The following RERE variants were observed in gnomAD, a reference collection of about 807,000 sequenced individuals.
RERE encodes the protein arginine-glutamic acid dipeptide repeats.
In RERE, 40 loss-of-function variants were observed where a neutral mutation model predicts 146.1. That is an observed-to-expected ratio of 0.27 (90% CI 0.21 to 0.36). The LOEUF is 0.36. Among genes scored for constraint, RERE ranks in the 10% least tolerant of loss-of-function variants. The probability of loss-of-function intolerance (pLI) is 1.00; values close to 1 mark genes in which losing one functional copy is unlikely to be tolerated. For missense variants in RERE, 1,933 were observed against 2,138.7 expected, an observed-to-expected ratio of 0.90 and a Z score of 1.90; for synonymous variants, 1,003 against 866.0, an observed-to-expected ratio of 1.16 and a Z score of -2.78.
At chr1:8,555,833 C>T (rs1646000792) in intron 6 of RERE, among the ~76,000 whole-genome samples, 1 of 152,132 alleles carries the variant, frequency 6.6e-6, no homozygotes, top group Admixed American at 6.6e-5. Flanking sequence ...TTATGACTGG[C>T]TGGAATGTTA....
intron 4 of RERE, among the ~76,000 whole-genome samples, chr1:8,607,452 A>G (rs1646730189): frequency 6.7e-6 from 1 of 149,914 alleles, no homozygotes; most frequent in Admixed American, 6.7e-5. Context: ...GCTTACTTCC[A>G]TGGCCTGAAA....
chr1:8,516,227 G>GGAAAAAAAAAAAAAAAAAAAAAAAAA lies in RERE; in HGVS notation c.831-7553_831-7552insTTTTTTTTTTTTTTTTTTTTTTTTTC, dbSNP rs573135224. On this transcript the variant is annotated intron_variant, in intron 7 of 22. Transcript: ENST00000400908. ...GGGACGGAGCAAGACTCTCTCAGAGGAAAAAAAAAAAAAAAAAAAAAATCT... is the reference window on the plus strand; with the variant it reads ...GGGACGGAGCAAGACTCTCTCAGAGGGAAAAAAAAAAAAAAAAAAAAAAAAAAAAAAAAAAAAAAAAAAAAAAATCT... Among the ~76,000 whole-genome samples, 14 of 52,306 alleles carry GGAAAAAAAAAAAAAAAAAAAAAAAAA rather than the reference G, an allele frequency of 2.7e-4. 4 individuals are homozygous for GGAAAAAAAAAAAAAAAAAAAAAAAAA. The highest frequency in any genetic ancestry group is 1.1e-3 in the African/African-American group (13 of 11,626). The allele number at this position is 52,306 out of a possible 152,430, so 34.3% of individuals were successfully genotyped here. A position where few individuals can be genotyped will look rare whatever the true frequency, so the allele number is the denominator to read the frequency against.
intron 12 of RERE, among the ~76,000 whole-genome samples, chr1:8,414,176 C>CA (rs1485978945): frequency 6.6e-6 from 1 of 152,090 alleles, no homozygotes; most frequent in Admixed American, 6.5e-5. Context: ...TCAGACATCC[C>CA]ATCCTAGACA....
At chr1:8,553,131 G>A (rs1645958017) in intron 6 of RERE, among the ~76,000 whole-genome samples, 1 of 146,440 alleles carries the variant, frequency 6.8e-6, no homozygotes, top group Non-Finnish European at 1.5e-5. Context: ...AAACAATCGT[G>A]ACACCACACA....
chr1:8,458,974 A>C (rs1644488665), intron 11 of RERE, among the ~76,000 whole-genome samples: 1 of 152,230 alleles, frequency 6.6e-6, no homozygotes, highest in African/African-American at 2.4e-5. Context: ...AGAGCTTGTT[A>C]AACAGTAGAA....
chr1:8,526,030 G>C (rs924068574), intron 7 of RERE: 6 of 1,253,058 alleles, frequency 4.8e-6, no homozygotes, highest in African/African-American at 1.6e-5. Context: ...TCTCCACGAC[G>C]CAATCAATCT....
intron 2 of RERE, among the ~76,000 whole-genome samples, chr1:8,641,291 T>C (rs1218816664): frequency 6.6e-6 from 1 of 152,030 alleles, no homozygotes; most frequent in Non-Finnish European, 1.5e-5. Flanking sequence ...ACTGATAGAG[T>C]ATAACAGATT....
At chr1:8,607,598 T>G (rs1646736983) in intron 4 of RERE, among the ~76,000 whole-genome samples, 1 of 131,052 alleles carries the variant, frequency 7.6e-6, no homozygotes, top group Admixed American at 9.5e-5. Flanking sequence ...GAGGCTGCAG[T>G]GCAGTGGTGT....
At chr1:8,494,651 A>C (rs1570334369) in intron 10 of RERE, among the ~76,000 whole-genome samples, 1 of 152,208 alleles carries the variant, frequency 6.6e-6, no homozygotes, top group East Asian at 1.9e-4. Flanking sequence ...TGAAGCCGGG[A>C]AGCGGAGCTT....
At chr1:8,810,248 C>T (rs1462274465) in intron 1 of RERE, among the ~76,000 whole-genome samples, 2 of 151,454 alleles carry the variant, frequency 1.3e-5, no homozygotes, top group East Asian at 3.9e-4. Flanking sequence ...CACCCATCCG[C>T]CTTGGCCTCC....
intron 2 of RERE, among the ~76,000 whole-genome samples, chr1:8,625,659 T>C (rs1646965893): frequency 6.6e-6 from 1 of 152,308 alleles, no homozygotes; most frequent in Middle Eastern, 3.4e-3. Flanking sequence ...GAGTGTATCT[T>C]ACAATAATTC....
At chr1:8,508,984 G>A (rs1197575710) in intron 7 of RERE, among the ~76,000 whole-genome samples, 3 of 151,938 alleles carry the variant, frequency 2.0e-5, no homozygotes, top group East Asian at 1.9e-4. Flanking sequence ...GCACAATCTC[G>A]GCTCACTGCA....
chr1:8,466,078 A>T, intron 10 of RERE, 55 bp from the exon 11 acceptor site: 1 of 1,451,822 alleles, frequency 6.9e-7, no homozygotes, highest in Non-Finnish European at 9.5e-7. Context: ...GACAGGACAC[A>T]ATCGATCCAA....
At chr1:8,763,739 G>A (rs2124534573) in intron 1 of RERE, among the ~76,000 whole-genome samples, 1 of 152,252 alleles carries the variant, frequency 6.6e-6, no homozygotes, top group African/African-American at 2.4e-5. Context: ...AGGAGATAGA[G>A]ACCATCCTGG....
At chr1:8,767,837 A>G (rs988736504) in intron 1 of RERE, among the ~76,000 whole-genome samples, 38 of 151,574 alleles carry the variant, frequency 2.5e-4, no homozygotes, top group South Asian at 1.5e-3. Context: ...ATGGTGGTGC[A>G]CGCCTGTAGT....
At chr1:8,801,559 G>A (rs998394649) in intron 1 of RERE, among the ~76,000 whole-genome samples, 5 of 151,734 alleles carry the variant, frequency 3.3e-5, no homozygotes, top group East Asian at 1.9e-4. Flanking sequence ...GTGAGCCACC[G>A]CGCCTGGCCA....
chr1:8,707,942 C>T (rs1479815260), intron 1 of RERE, among the ~76,000 whole-genome samples: 1 of 151,572 alleles, frequency 6.6e-6, no homozygotes, highest in Non-Finnish European at 1.5e-5. Flanking sequence ...ATTTTCATTA[C>T]AATGTATTGT....
intron 1 of RERE, among the ~76,000 whole-genome samples, chr1:8,683,482 CAG>C (rs1370011921): frequency 6.6e-6 from 1 of 152,124 alleles, no homozygotes; most frequent in African/African-American, 2.4e-5. Flanking sequence ...CAGAGACACA[CAG>C]AAATTCTACA....
intron 1 of RERE, among the ~76,000 whole-genome samples, chr1:8,662,808 A>C (rs1325838410): frequency 4.6e-5 from 7 of 152,222 alleles, no homozygotes; most frequent in African/African-American, 1.4e-4. Context: ...AGTTCTTAGC[A>C]CTGCCGCTTG....
Sources: gnomAD v4.1 joint callset for allele counts (sites outside exome capture counted in the v4.1 genomes callset) on GRCh38, gnomAD v4.1.1 for gene constraint, MANE v1.5 for transcripts, NCBI Gene and HGNC (gene_info 2026-07-23, HGNC 2026-07-21) for gene names.